KCNIP4: variants seen among roughly 807,000 people sequenced by gnomAD.
KCNIP4 encodes the protein Kv channel-interacting protein 4.
In KCNIP4, 12 loss-of-function variants were observed where a neutral mutation model predicts 34.0. That is an observed-to-expected ratio of 0.35 (90% CI 0.23 to 0.57). The LOEUF is 0.57. KCNIP4 is among the 20% of genes least tolerant of loss of function. The pLI, the probability that KCNIP4 is intolerant of heterozygous loss-of-function variation, is 0.83. For synonymous variants in KCNIP4, 124 were observed against 102.2 expected, an observed-to-expected ratio of 1.21 and a Z score of -1.29; for missense variants, 238 against 311.7, an observed-to-expected ratio of 0.76 and a Z score of 1.78.
intron 1 of KCNIP4, among the ~76,000 whole-genome samples, chr4:21,664,751 C>T (rs1440108740): frequency 6.6e-6 from 1 of 152,110 alleles, no homozygotes; most frequent in Admixed American, 6.5e-5. Context: ...TTCATCTCAC[C>T]ATGCCACCTA....
At chr4:21,133,217 T>C (rs1751220777) in intron 1 of KCNIP4, among the ~76,000 whole-genome samples, 1 of 152,158 alleles carries the variant, frequency 6.6e-6, no homozygotes, top group African/African-American at 2.4e-5. Flanking sequence ...CTATTTACAA[T>C]CAAAAGTTGC....
At chr4:21,401,577 G>C (rs1225481119) in intron 1 of KCNIP4, among the ~76,000 whole-genome samples, 1 of 151,868 alleles carries the variant, frequency 6.6e-6, no homozygotes, top group African/African-American at 2.4e-5. Context: ...AATGTAGCAA[G>C]AAAAAAAATC....
chr4:21,633,133 G>A (rs1443682903), intron 1 of KCNIP4, among the ~76,000 whole-genome samples: 1 of 152,092 alleles, frequency 6.6e-6, no homozygotes, highest in African/African-American at 2.4e-5. Flanking sequence ...ATCTTCTAAA[G>A]TTATAAGTTT....
At chr4:21,257,021 C>A (rs768074881) in intron 1 of KCNIP4, among the ~76,000 whole-genome samples, 1 of 152,094 alleles carries the variant, frequency 6.6e-6, no homozygotes, top group African/African-American at 2.4e-5. Context: ...ATGCCACAAT[C>A]GCTAGAACAG....
At chr4:20,851,433 T>C (rs1016388709) in intron 2 of KCNIP4, among the ~76,000 whole-genome samples, 4 of 152,204 alleles carry the variant, frequency 2.6e-5, no homozygotes, top group Non-Finnish European at 4.4e-5. Flanking sequence ...CAGTCTATCA[T>C]TGGTGGGCGG....
At chr4:21,266,015 T>G (rs1366820656) in intron 1 of KCNIP4, among the ~76,000 whole-genome samples, 1 of 152,256 alleles carries the variant, frequency 6.6e-6, no homozygotes. Flanking sequence ...TTTATATTAT[T>G]ATCTCACAAT....
chr4:21,818,888 T>A (rs1560737416), intron 1 of KCNIP4, among the ~76,000 whole-genome samples: 1 of 152,250 alleles, frequency 6.6e-6, no homozygotes, highest in Admixed American at 6.5e-5. Flanking sequence ...CTTTTTTTTC[T>A]ACAAGTAGAG....
intron 1 of KCNIP4, among the ~76,000 whole-genome samples, chr4:21,149,487 G>T (rs958118659): frequency 7.2e-5 from 11 of 152,164 alleles, no homozygotes; most frequent in Non-Finnish European, 1.2e-4. Context: ...AGCAATGTCT[G>T]CAGAAGTCTA....
At chr4:21,437,111 G>T (rs1210636958) in intron 1 of KCNIP4, among the ~76,000 whole-genome samples, 1 of 152,148 alleles carries the variant, frequency 6.6e-6, no homozygotes, top group Non-Finnish European at 1.5e-5. Flanking sequence ...CTCAGCAATG[G>T]AAATGCTCCT....
intron 3 of KCNIP4, among the ~76,000 whole-genome samples, chr4:20,779,981 A>G (rs1756728480): frequency 6.6e-6 from 1 of 152,178 alleles, no homozygotes; most frequent in South Asian, 2.1e-4. Flanking sequence ...TGTTGTTTTA[A>G]GCCTTTCAGT....
At chr4:20,777,614 C>A (rs1756485082) in intron 3 of KCNIP4, among the ~76,000 whole-genome samples, 1 of 152,172 alleles carries the variant, frequency 6.6e-6, no homozygotes, top group Non-Finnish European at 1.5e-5. Flanking sequence ...CTGGACTTCC[C>A]ATCCTCCAGA....
At chr4:21,157,123 A>G (rs1053116243) in intron 1 of KCNIP4, among the ~76,000 whole-genome samples, 2 of 152,124 alleles carry the variant, frequency 1.3e-5, no homozygotes, top group African/African-American at 4.8e-5. Flanking sequence ...ACTCTCTGCA[A>G]AAGACAGTTA....
intron 1 of KCNIP4, among the ~76,000 whole-genome samples, chr4:21,559,252 T>C (rs2109029268): frequency 6.6e-6 from 1 of 152,206 alleles, no homozygotes; most frequent in Non-Finnish European, 1.5e-5. Context: ...AATTATCACC[T>C]CTCTGTCGGG....
intron 1 of KCNIP4, among the ~76,000 whole-genome samples, chr4:21,232,375 G>T (rs1758858589): frequency 6.6e-6 from 1 of 151,978 alleles, no homozygotes; most frequent in South Asian, 2.1e-4. Flanking sequence ...TATTGCCATG[G>T]ACTTTATCAT....
intron 1 of KCNIP4, among the ~76,000 whole-genome samples, chr4:21,387,698 G>C (rs1251403918): frequency 6.6e-6 from 1 of 152,134 alleles, no homozygotes; most frequent in African/African-American, 2.4e-5. Flanking sequence ...GGACAGTGGA[G>C]TTTCAGTGTT....
intron 1 of KCNIP4, among the ~76,000 whole-genome samples, chr4:21,388,986 GT>G (rs10718975): frequency 0.75 from 110,198 of 146,196 alleles, 43,024 homozygotes; most frequent in Non-Finnish European, 0.88. Flanking sequence ...ATATTGTCTT[GT>G]TTTTTTTTTT....
At chr4:21,540,414 T>G (rs545417775) in intron 1 of KCNIP4, among the ~76,000 whole-genome samples, 2 of 152,218 alleles carry the variant, frequency 1.3e-5, no homozygotes, top group South Asian at 4.1e-4. Flanking sequence ...ACAGCTAAAA[T>G]TGTGAGCATG....
chr4:21,737,926 C>T (rs11725680), intron 1 of KCNIP4, among the ~76,000 whole-genome samples: 13,753 of 150,844 alleles, frequency 0.091, 653 homozygotes, highest in Middle Eastern at 0.18. Flanking sequence ...CTACTAAAAA[C>T]ACACACACAC....
intron 1 of KCNIP4, among the ~76,000 whole-genome samples, chr4:20,968,161 A>C (rs1202922691): frequency 3.9e-5 from 6 of 152,312 alleles, no homozygotes; most frequent in Middle Eastern, 3.4e-3. Context: ...ATGCAGCCAA[A>C]AGACACATGA....
Sources: gnomAD v4.1 joint callset for allele counts (sites outside exome capture counted in the v4.1 genomes callset) on GRCh38, gnomAD v4.1.1 for gene constraint, MANE v1.5 for transcripts, NCBI Gene and HGNC (gene_info 2026-07-23, HGNC 2026-07-21) for gene names.